The following IFI27L1 variants were observed in gnomAD, a reference collection of about 807,000 sequenced individuals.
IFI27L1 encodes interferon alpha-inducible protein 27-like protein 1.
IFI27L1 carries 3 observed loss-of-function variants against 9.2 expected under a neutral mutation model. The ratio of observed to expected loss-of-function variants is 0.32; its 90% CI spans 0.15 to 0.84. The LOEUF is 0.84. Among genes scored for constraint, IFI27L1 ranks in the 40% least tolerant of loss-of-function variants. IFI27L1 has a pLI of 0.56. For missense variants in IFI27L1, 133 were observed against 134.2 expected (o/e 0.99, Z 0.05); for synonymous variants, 53 against 50.0 (o/e 1.06, Z -0.26).
chr14:94,087,571 C>A (rs975176943), intron 1 of IFI27L1, among the ~76,000 whole-genome samples: 8 of 152,306 alleles, frequency 5.3e-5, no homozygotes, highest in African/African-American at 1.9e-4. Context: ...GGATTACAGG[C>A]ACTCGCCACC....
chr14:94,081,336 G>A lies in IFI27L1; in HGVS notation c.-165G>A, dbSNP rs923915225. The A allele has an allele frequency of 6.6e-6, 1 of 152,272 alleles. No homozygotes were observed. Among genetic ancestry groups the A allele is most frequent in the Non-Finnish European group, 1.5e-5 (1 of 68,068 alleles). The allele number at this position is 152,272 out of a possible 1,614,324, so 9.4% of individuals were successfully genotyped here. ...GTGCCGGCGGGAGAGCTGGCTTGGG[G>A]CGCTGGCACCTCCTCTTACAGCTTT... On this transcript the variant is annotated 5_prime_UTR_variant, in exon 1 of 5. Coordinates refer to ENST00000555523, the MANE Select transcript of IFI27L1 (RefSeq NM_206949.3).
chr14:94,081,526 G>T, intron 1 of IFI27L1, 77 bp downstream of exon 1: 1 of 152,846 alleles, frequency 6.5e-6, no homozygotes, highest in South Asian at 2.0e-4. Flanking sequence ...GAGGGTTCTT[G>T]GATCTTGCAC....
At chr14:94,088,773 A>G (rs77343189) in intron 1 of IFI27L1, among the ~76,000 whole-genome samples, 2,865 of 152,268 alleles carry the variant, frequency 0.019, 92 homozygotes, top group Middle Eastern at 0.061. Context: ...TTAAGTGTCT[A>G]TTAGTCATGC....
At chr14:94,098,791 A>G (rs1031905841) in intron 2 of IFI27L1, among the ~76,000 whole-genome samples, 13 of 152,154 alleles carry the variant, frequency 8.5e-5, no homozygotes, top group African/African-American at 2.7e-4. Context: ...TCGTGCCTAT[A>G]CACACATCTT....
intron 1 of IFI27L1, chr14:94,089,098 C>G (rs1408641722): frequency 6.6e-6 from 1 of 152,076 alleles, no homozygotes; most frequent in African/African-American, 2.4e-5. Context: ...GGTCATGGCT[C>G]ACTGCAGCTG....
chr14:94,090,584 C>G (rs769374707), intron 1 of IFI27L1, among the ~76,000 whole-genome samples: 19 of 152,192 alleles, frequency 1.2e-4, no homozygotes, highest in Admixed American at 5.9e-4. Flanking sequence ...GTAAATTCCT[C>G]TCCTTAAGAG....
intron 1 of IFI27L1, among the ~76,000 whole-genome samples, chr14:94,087,792 C>A (rs1886333264): frequency 6.6e-6 from 1 of 151,976 alleles, no homozygotes; most frequent in South Asian, 2.1e-4. Flanking sequence ...TAGTTGTCAT[C>A]AAAAACACGG....
chr14:94,089,758 C>T (rs1328476760), intron 1 of IFI27L1, among the ~76,000 whole-genome samples: 1 of 152,146 alleles, frequency 6.6e-6, no homozygotes, highest in East Asian at 1.9e-4. Flanking sequence ...TACAAGGAAA[C>T]CCTTAAGCCT....
At chr14:94,101,770 G>A (rs1446260857) in intron 3 of IFI27L1, 44 bp from the exon 4 acceptor site, 13 of 1,607,428 alleles carry the variant, frequency 8.1e-6, no homozygotes, top group African/African-American at 4.0e-5. Context: ...AAGTCTGGGG[G>A]ACTCCGTCCC....
chr14:94,101,799 C>T lies in IFI27L1; in HGVS notation c.62-15C>T, dbSNP rs761443811. On this transcript the variant is annotated splice_polypyrimidine_tract_variant and intron_variant, in intron 3 of 4. Coordinates refer to ENST00000555523, the MANE Select transcript of IFI27L1 (RefSeq NM_206949.3). ...CCGTCCCATGGGGCCAACCCCAAAT[C>T]TCCACTTCCCGCAGTTGTGGCTGTG... The T allele has an allele frequency of 8.7e-6, 14 of 1,614,092 alleles. No homozygotes were observed. The highest frequency in any genetic ancestry group is 1.2e-5 in the Non-Finnish European group (14 of 1,179,936).
chr14:94,093,670 A>G (rs1433288347), intron 1 of IFI27L1, among the ~76,000 whole-genome samples: 1 of 152,176 alleles, frequency 6.6e-6, no homozygotes, highest in African/African-American at 2.4e-5. Flanking sequence ...TGAAATCCTT[A>G]GAGCTGTGGC....
Position 94,100,183 on chromosome 14 carries a change from CAGAG to C in IFI27L1, c.29-552_29-549del, listed in dbSNP as rs562556793. ...CATCAAGACAGGTCAGGAGTCGTGA[CAGAG>C]AGAAAGGGAGGTCCTGAGCCATGAG... is the stretch of plus-strand genomic sequence containing the variant. On this transcript the variant is annotated intron_variant, in intron 2 of 4. Coordinates refer to ENST00000555523, the MANE Select transcript of IFI27L1 (RefSeq NM_206949.3). 6.8e-5 allele frequency: 47 copies of C among 687,032 alleles called. 1 individual carries two copies. The South Asian group carries it at 1.9e-3, about 28-fold the overall frequency. The allele number at this position is 687,032 out of a possible 1,614,324, so 42.6% of individuals were successfully genotyped here.
At chr14:94,101,040 G>C in intron 3 of IFI27L1, 1 of 590,892 alleles carries the variant, frequency 1.7e-6, no homozygotes, top group African/African-American at 1.9e-5. Context: ...CATTGGAGCA[G>C]TCACAGCCCG....
At chr14:94,100,670 CAG>C in intron 2 of IFI27L1, 67 bp from the exon 3 acceptor site, 3 of 1,600,018 alleles carry the variant, frequency 1.9e-6, no homozygotes, top group South Asian at 2.2e-5. Flanking sequence ...ATGGGGGTAT[CAG>C]AGAGTACCCA....
chr14:94,081,825 T>G (rs940967743), intron 1 of IFI27L1, among the ~76,000 whole-genome samples: 2 of 152,210 alleles, frequency 1.3e-5, no homozygotes, highest in African/African-American at 4.8e-5. Context: ...TGACAGGCCG[T>G]TCTTCCTTCT....
In IFI27L1 at chr14:94,083,995, G is replaced by A. The variant is rs188127278; in HGVS notation, c.-52+2546G>A. On this transcript the variant is annotated intron_variant, in intron 1 of 4. Coordinates refer to ENST00000555523, the MANE Select transcript of IFI27L1 (RefSeq NM_206949.3). ...TTTTAAAAATGGGGGAGGGGGAGATGTCAACCAAAAGCAAAATGATGGCAA... is the reference window on the plus strand; with the variant it reads ...TTTTAAAAATGGGGGAGGGGGAGATATCAACCAAAAGCAAAATGATGGCAA... Among the ~76,000 whole-genome samples, 202 of 152,094 alleles carry A rather than the reference G, an allele frequency of 1.3e-3. 1 individual carries two copies. Among genetic ancestry groups the A allele is most frequent in the Non-Finnish European group, 2.3e-3 (156 of 67,968 alleles).
chr14:94,091,740 G>C (rs4575467), intron 1 of IFI27L1, among the ~76,000 whole-genome samples: 43,848 of 151,674 alleles, frequency 0.29, 6,631 homozygotes, highest in East Asian at 0.5. Flanking sequence ...ATAGAGGGAA[G>C]ATTTAGCTTT....
Position 94,102,642 on chromosome 14 carries a change from A to G in IFI27L1, c.*74A>G. 1.2e-6 allele frequency: 1 copy of G among 815,150 alleles called. No homozygotes were observed. The highest frequency in any genetic ancestry group is 2.8e-5 in the East Asian group (1 of 35,778). 50.5% of individuals were successfully genotyped at this position (815,150 alleles called of 1,614,324 possible). On this transcript the variant is annotated 3_prime_UTR_variant, in exon 5 of 5. Coordinates refer to ENST00000555523, the MANE Select transcript of IFI27L1 (RefSeq NM_206949.3). The stretch of plus-strand genomic sequence containing the variant: ...CTGGGCCTCTGGATGACAATCTTCC[A>G]AAGGACAAGTCTCCTACTCCCAAAA...
At chr14:94,090,935 G>T (rs549527991) in intron 1 of IFI27L1, among the ~76,000 whole-genome samples, 1 of 152,328 alleles carries the variant, frequency 6.6e-6, no homozygotes, top group East Asian at 1.9e-4. Flanking sequence ...TTTGTTCACA[G>T]TAGTATACTT....
Sources: gnomAD v4.1 joint callset for allele counts (sites outside exome capture counted in the v4.1 genomes callset) on GRCh38, gnomAD v4.1.1 for gene constraint, MANE v1.5 for transcripts, NCBI Gene and HGNC (gene_info 2026-07-23, HGNC 2026-07-21) for gene names.